Variants in PLCB4 observed in about 807,000 individuals in gnomAD.
PLCB4 encodes 1-phosphatidylinositol 4,5-bisphosphate phosphodiesterase beta-4.
A neutral mutation model predicts 178.8 loss-of-function variants in PLCB4; 77 were observed. That is an observed-to-expected ratio of 0.43 (90% CI 0.36 to 0.52). The LOEUF is 0.52. Ranked by LOEUF, PLCB4 falls within the 20% of genes least tolerant of loss-of-function variation. The pLI is 0.00. For missense variants in PLCB4, 1,024 were observed against 1,453.4 expected (o/e 0.70, Z 4.80); for synonymous variants, 496 against 490.8 (o/e 1.01, Z -0.14).
chr20:9,099,208 G>C (rs1270023600), intron 2 of PLCB4, among the ~76,000 whole-genome samples: 1 of 152,120 alleles, frequency 6.6e-6, no homozygotes, highest in Non-Finnish European at 1.5e-5. Context: ...AGAACATGGG[G>C]AAGGTATCTG....
At chr20:9,091,023 C>T (rs2146570449) in intron 1 of PLCB4, among the ~76,000 whole-genome samples, 1 of 152,172 alleles carries the variant, frequency 6.6e-6, no homozygotes, top group South Asian at 2.1e-4. Context: ...TTCATAGACA[C>T]AGTGGGTTTT....
Position 9,239,258 on chromosome 20 carries a change from C to T in PLCB4, c.-16+21806C>T, listed in dbSNP as rs1042438627. On this transcript the variant is annotated intron_variant, in intron 3 of 39. Coordinates refer to ENST00000378473, the MANE Select transcript of PLCB4 (RefSeq NM_001377142.1). ...TCCACTCCCACTTCTTAACAGTCCT[C>T]TTTTACGTTGTCAAGTATCCAAGCA... 2.2e-4 allele frequency among the ~76,000 whole-genome samples: 34 copies of T among 152,210 alleles called. 1 individual carries two copies. The highest frequency in any genetic ancestry group is 8.0e-4 in the African/African-American group (33 of 41,440).
rs73895548 is a variant in PLCB4 at position 9,100,942 on chromosome 20, G to T, written c.-79+4600G>T. 7.0e-3 allele frequency among the ~76,000 whole-genome samples: 1,069 copies of T among 152,092 alleles called. 11 individuals are homozygous for T. Among genetic ancestry groups the T allele is most frequent in the African/African-American group, 0.024 (1,006 of 41,494 alleles). Reference sequence around the variant, plus strand: ...TGCTACGGTGTGTCGCCCGTGGAGGGATTCCTCATCCCAAGCATGATTTTT... The same window carrying T: ...TGCTACGGTGTGTCGCCCGTGGAGGTATTCCTCATCCCAAGCATGATTTTT... On this transcript the variant is annotated intron_variant, in intron 2 of 39. Transcript: ENST00000378473.
At chr20:9,364,822 G>T (rs556103784) in intron 8 of PLCB4, among the ~76,000 whole-genome samples, 32 of 152,292 alleles carry the variant, frequency 2.1e-4, no homozygotes. Flanking sequence ...ACAGATAAAT[G>T]TTCTGAGTCT....
intron 2 of PLCB4, among the ~76,000 whole-genome samples, chr20:9,193,795 A>G (rs556614460): frequency 6.6e-6 from 1 of 152,206 alleles, no homozygotes; most frequent in Non-Finnish European, 1.5e-5. Context: ...TCTTGAAAAC[A>G]TTATAACTTT....
chr20:9,471,198 A>G (rs575142504), intron 36 of PLCB4, among the ~76,000 whole-genome samples: 11 of 152,088 alleles, frequency 7.2e-5, no homozygotes, highest in African/African-American at 2.6e-4. Flanking sequence ...ATATTTTTTA[A>G]AAGATGTGAA....
intron 3 of PLCB4, among the ~76,000 whole-genome samples, chr20:9,225,903 G>T (rs1030466450): frequency 3.3e-5 from 5 of 152,230 alleles, no homozygotes; most frequent in Non-Finnish European, 5.9e-5. Flanking sequence ...GAAAAGAAGA[G>T]CAGGCATCTT....
chr20:9,161,416 G>A (rs1408991383), intron 2 of PLCB4, among the ~76,000 whole-genome samples: 2 of 152,180 alleles, frequency 1.3e-5, no homozygotes, highest in African/African-American at 4.8e-5. Context: ...ACAGTAGAGA[G>A]GTTAACTTGT....
intron 25 of PLCB4, among the ~76,000 whole-genome samples, chr20:9,415,342 T>C (rs1352897196): frequency 6.6e-6 from 1 of 152,154 alleles, no homozygotes; most frequent in African/African-American, 2.4e-5. Context: ...GAAAGCAAAA[T>C]TGCAAATAAA....
At chr20:9,071,706 C>T (rs528245166) in intron 1 of PLCB4, among the ~76,000 whole-genome samples, 5 of 152,142 alleles carry the variant, frequency 3.3e-5, no homozygotes, top group South Asian at 2.1e-4. Flanking sequence ...TTTATCTTTT[C>T]GGATTAGAGC....
chr20:9,409,040 T>G lies in PLCB4; in HGVS notation c.1875-17T>G. The G allele has an allele frequency of 6.2e-7, 1 of 1,607,126 alleles. No homozygotes were observed. Among genetic ancestry groups the G allele is most frequent in the Non-Finnish European group, 8.5e-7 (1 of 1,178,182 alleles). On this transcript the variant is annotated splice_polypyrimidine_tract_variant and intron_variant, in intron 23 of 39. Transcript: ENST00000378473. ...GCTGTAGGACTCTTTTTTTCTGTTT[T>G]CCTTAATAAGTTACAGTTATAACAA...
chr20:9,477,497 A>T (rs1192243777), intron 39 of PLCB4, among the ~76,000 whole-genome samples: 2 of 152,188 alleles, frequency 1.3e-5, no homozygotes, highest in African/African-American at 2.4e-5. Context: ...ACAAGCACAG[A>T]GAATCATTTG....
At chr20:9,075,820 A>G (rs2089834553) in intron 1 of PLCB4, among the ~76,000 whole-genome samples, 1 of 152,244 alleles carries the variant, frequency 6.6e-6, no homozygotes, top group Non-Finnish European at 1.5e-5. Context: ...AATGTTTGGA[A>G]ATAATTAAAA....
At chr20:9,453,123 G>T (rs1205852649) in intron 32 of PLCB4, among the ~76,000 whole-genome samples, 1 of 152,182 alleles carries the variant, frequency 6.6e-6, no homozygotes, top group East Asian at 1.9e-4. Flanking sequence ...TTTGAACTGG[G>T]CATGTTCACT....
intron 1 of PLCB4, among the ~76,000 whole-genome samples, chr20:9,082,801 C>T (rs935379800): frequency 6.6e-6 from 1 of 152,124 alleles, no homozygotes; most frequent in African/African-American, 2.4e-5. Flanking sequence ...TAAAGTTTCT[C>T]CCCATCTGCC....
At chr20:9,297,942 G>A (rs1013986697) in intron 3 of PLCB4, among the ~76,000 whole-genome samples, 18 of 152,040 alleles carry the variant, frequency 1.2e-4, no homozygotes, top group African/African-American at 4.3e-4. Context: ...TAATTTCTTT[G>A]AAACTGATTA....
At chr20:9,343,155 A>G (rs2033424344) in intron 7 of PLCB4, among the ~76,000 whole-genome samples, 1 of 152,142 alleles carries the variant, frequency 6.6e-6, no homozygotes, top group South Asian at 2.1e-4. Context: ...GTGAGTTTCT[A>G]GTACAGAACT....
At chr20:9,147,541 C>T (rs142239398) in intron 2 of PLCB4, among the ~76,000 whole-genome samples, 16 of 152,096 alleles carry the variant, frequency 1.1e-4, no homozygotes, top group African/African-American at 3.4e-4. Flanking sequence ...GGGCAGGCAG[C>T]GCTGGGTTAG....
At chr20:9,120,671 C>A (rs998288039) in intron 2 of PLCB4, among the ~76,000 whole-genome samples, 1 of 152,140 alleles carries the variant, frequency 6.6e-6, no homozygotes, top group Non-Finnish European at 1.5e-5. Context: ...GACCCAAGCT[C>A]ACCTCCACTC....
Sources: gnomAD v4.1 joint callset for allele counts (sites outside exome capture counted in the v4.1 genomes callset) on GRCh38, gnomAD v4.1.1 for gene constraint, MANE v1.5 for transcripts, NCBI Gene and HGNC (gene_info 2026-07-23, HGNC 2026-07-21) for gene names.